KCNIP4: variants seen among roughly 807,000 people sequenced by gnomAD.
KCNIP4 encodes Kv channel-interacting protein 4.
Under a neutral mutation model 34.0 loss-of-function variants are expected in KCNIP4, and 12 were observed. That is an observed-to-expected ratio of 0.35 (90% confidence interval 0.23 to 0.57). The LOEUF is 0.57. KCNIP4 is among the 20% of genes least tolerant of loss of function. KCNIP4 has a pLI of 0.83. For synonymous variants in KCNIP4, 124 were observed against 102.2 expected, an observed-to-expected ratio of 1.21 and a Z score of -1.29; for missense variants, 238 against 311.7, an observed-to-expected ratio of 0.76 and a Z score of 1.78.
At position 21,589,174 on chromosome 4, in the gene KCNIP4, ATATATATATATATATATATATATATATG is replaced by A. The variant is rs1186360364; in HGVS notation, c.61+359369_61+359396del. ...GAGGTGTGTATATATATATATATAT[ATATATATATATATATATATATATATATG>A]TGTACATATATAAGTACACATGTAT... On this transcript the variant is annotated intron_variant, in intron 1 of 8. Transcript: ENST00000382152. 3.8e-4 allele frequency among the ~76,000 whole-genome samples: 22 copies of A among 57,976 alleles called. 2 individuals carry two copies. Among genetic ancestry groups the A allele is most frequent in the South Asian group, 1.3e-3 (2 of 1,542 alleles). The allele number at this position is 57,976 out of a possible 152,430, so 38.0% of individuals were successfully genotyped here.
chr4:21,567,791 A>C (rs374284134), intron 1 of KCNIP4, among the ~76,000 whole-genome samples: 4 of 152,170 alleles, frequency 2.6e-5, no homozygotes, highest in African/African-American at 9.7e-5. Flanking sequence ...TAGTCACGAC[A>C]ATATTGAGTA....
At chr4:21,324,551 T>C (rs1023274555) in intron 1 of KCNIP4, among the ~76,000 whole-genome samples, 1 of 152,060 alleles carries the variant, frequency 6.6e-6, no homozygotes, top group South Asian at 2.1e-4. Context: ...AAAAAATGAG[T>C]TGAGTGTAGA....
chr4:21,517,923 G>C (rs2279672), intron 1 of KCNIP4, among the ~76,000 whole-genome samples: 48,954 of 151,936 alleles, frequency 0.32, 8,243 homozygotes, highest in South Asian at 0.46. Flanking sequence ...TGTGGGGTTT[G>C]CTATGTGGAT....
At chr4:21,117,842 G>C (rs1416363834) in intron 1 of KCNIP4, among the ~76,000 whole-genome samples, 1 of 152,092 alleles carries the variant, frequency 6.6e-6, no homozygotes, top group East Asian at 1.9e-4. Flanking sequence ...AGCACTCAGA[G>C]TAGGCAATGG....
chr4:20,870,549 A>C (rs1723337893), intron 2 of KCNIP4, among the ~76,000 whole-genome samples: 1 of 152,088 alleles, frequency 6.6e-6, no homozygotes, highest in Non-Finnish European at 1.5e-5. Flanking sequence ...CATTTGAAAA[A>C]ATCTTTGTCC....
At chr4:21,420,502 T>C (rs771661182) in intron 1 of KCNIP4, among the ~76,000 whole-genome samples, 7 of 152,208 alleles carry the variant, frequency 4.6e-5, no homozygotes, top group Non-Finnish European at 8.8e-5. Flanking sequence ...ATCTTCCTAT[T>C]AGGGAGATTC....
At chr4:21,476,439 G>A (rs1730982203) in intron 1 of KCNIP4, among the ~76,000 whole-genome samples, 1 of 152,068 alleles carries the variant, frequency 6.6e-6, no homozygotes, top group Admixed American at 6.6e-5. Flanking sequence ...ATAGAACTTT[G>A]GCCTCATAAG....
At chr4:21,575,061 A>G (rs1262209988) in intron 1 of KCNIP4, among the ~76,000 whole-genome samples, 1 of 152,192 alleles carries the variant, frequency 6.6e-6, no homozygotes, top group Non-Finnish European at 1.5e-5. Context: ...TTTCTAGAAG[A>G]ATCTCACTGA....
At chr4:21,659,176 A>G (rs1748227300) in intron 1 of KCNIP4, among the ~76,000 whole-genome samples, 1 of 152,222 alleles carries the variant, frequency 6.6e-6, no homozygotes, top group Non-Finnish European at 1.5e-5. Flanking sequence ...TTTGTTTATC[A>G]GAGCATCTCA....
chr4:20,850,261 C>G (rs970037317), intron 3 of KCNIP4: 1 of 231,508 alleles, frequency 4.3e-6, no homozygotes, highest in South Asian at 1.1e-4. Context: ...GAAATTATGT[C>G]ATTATAGTTG....
At chr4:21,199,686 G>A (rs1756324720) in intron 1 of KCNIP4, among the ~76,000 whole-genome samples, 1 of 148,634 alleles carries the variant, frequency 6.7e-6, no homozygotes, top group African/African-American at 2.5e-5. Context: ...TTCTTCTAGA[G>A]TTTTTATGGT....
chr4:20,944,520 C>G (rs185873781), intron 1 of KCNIP4, among the ~76,000 whole-genome samples: 123 of 152,276 alleles, frequency 8.1e-4, no homozygotes, highest in African/African-American at 2.8e-3. Context: ...AACTAAAATA[C>G]AATGATTGGT....
chr4:21,026,434 G>C (rs1431587865), intron 1 of KCNIP4, among the ~76,000 whole-genome samples: 1 of 152,040 alleles, frequency 6.6e-6, no homozygotes, highest in Non-Finnish European at 1.5e-5. Context: ...TAGTTTGCTC[G>C]GTTGAACCCA....
intron 1 of KCNIP4, among the ~76,000 whole-genome samples, chr4:21,150,845 G>T (rs1027570311): frequency 1.3e-5 from 2 of 152,072 alleles, no homozygotes; most frequent in African/African-American, 2.4e-5. Flanking sequence ...TGACTTGGGT[G>T]CTTTGAAAAA....
chr4:20,772,213 G>A (rs1240853765), intron 3 of KCNIP4, among the ~76,000 whole-genome samples: 1 of 152,166 alleles, frequency 6.6e-6, no homozygotes, highest in Non-Finnish European at 1.5e-5. Flanking sequence ...GAGTGCACCT[G>A]CGGGGGGAAA....
intron 1 of KCNIP4, among the ~76,000 whole-genome samples, chr4:21,373,363 A>T (rs1720665739): frequency 6.8e-6 from 1 of 147,158 alleles, no homozygotes; most frequent in South Asian, 2.1e-4. Flanking sequence ...TATAAAAAAA[A>T]TTTTAGTGAG....
chr4:21,491,537 G>A (rs1159514780), intron 1 of KCNIP4, among the ~76,000 whole-genome samples: 1 of 152,032 alleles, frequency 6.6e-6, no homozygotes, highest in African/African-American at 2.4e-5. Context: ...ACCATGCTGG[G>A]CAAATTTTTT....
At chr4:21,835,593 G>GT (rs879922454) in intron 1 of KCNIP4, among the ~76,000 whole-genome samples, 1,742 of 115,216 alleles carry the variant, frequency 0.015, 25 homozygotes, top group African/African-American at 0.028. Context: ...TTTTTTGTTA[G>GT]TTTTTTTTTG....
chr4:20,733,001 C>G (rs1319400367), intron 6 of KCNIP4, among the ~76,000 whole-genome samples: 1 of 152,162 alleles, frequency 6.6e-6, no homozygotes, highest in Non-Finnish European at 1.5e-5. Flanking sequence ...GAATTCTGAT[C>G]TCTTGGTTTC....
Sources: allele counts gnomAD v4.1 joint callset (sites outside exome capture counted in the v4.1 genomes callset), GRCh38; gene constraint gnomAD v4.1.1; transcripts MANE v1.5; gene names NCBI Gene and HGNC (gene_info 2026-07-23, HGNC 2026-07-21).